KDM4C: variants seen among roughly 807,000 people sequenced by gnomAD.
The protein encoded by KDM4C is lysine-specific demethylase 4C.
Under a neutral mutation model 129.3 loss-of-function variants are expected in KDM4C, and 81 were observed. That is an observed-to-expected ratio of 0.63 (90% CI 0.52 to 0.75). The LOEUF is 0.75. Among genes scored for constraint, KDM4C ranks in the 30% least tolerant of loss-of-function variants. The pLI, the probability that KDM4C is intolerant of heterozygous loss-of-function variation, is 0.00. For synonymous variants in KDM4C, 573 were observed against 456.1 expected (o/e 1.26, Z -3.26); for missense variants, 1,457 against 1,304.0 (o/e 1.12, Z -1.81).
intron 17 of KDM4C, among the ~76,000 whole-genome samples, chr9:7,072,876 A>G (rs909162366): frequency 6.6e-6 from 1 of 152,232 alleles, no homozygotes; most frequent in Non-Finnish European, 1.5e-5. Context: ...ATCTTTTGAT[A>G]CATGTATACA....
At chr9:6,886,294 T>A (rs1417055923) in intron 6 of KDM4C, among the ~76,000 whole-genome samples, 1 of 152,074 alleles carries the variant, frequency 6.6e-6, no homozygotes, top group Non-Finnish European at 1.5e-5. Flanking sequence ...ACATTTCTCA[T>A]GTTTTATTGA....
At chr9:6,843,399 C>G (rs1298167271) in intron 4 of KDM4C, among the ~76,000 whole-genome samples, 1 of 152,210 alleles carries the variant, frequency 6.6e-6, no homozygotes, top group Admixed American at 6.5e-5. Flanking sequence ...TTTTGTAATC[C>G]TTTCTTTACA....
At chr9:6,804,391 T>G (rs1220036857) in intron 2 of KDM4C, among the ~76,000 whole-genome samples, 1 of 152,170 alleles carries the variant, frequency 6.6e-6, no homozygotes, top group Non-Finnish European at 1.5e-5. Flanking sequence ...TCCTCCACCT[T>G]TCTGGAAAGC....
At chr9:7,083,518 G>C (rs948534569) in intron 17 of KDM4C, among the ~76,000 whole-genome samples, 10 of 152,242 alleles carry the variant, frequency 6.6e-5, no homozygotes, top group Admixed American at 2.6e-4. Flanking sequence ...ATAGCCTATT[G>C]CTCCTAGCCT....
intron 3 of KDM4C, among the ~76,000 whole-genome samples, chr9:6,813,163 G>A (rs752565303): frequency 5.3e-5 from 8 of 152,002 alleles, no homozygotes; most frequent in Non-Finnish European, 8.8e-5. Context: ...CAACAAGAGT[G>A]AGACCGTCTC....
chr9:7,000,153 G>A (rs552477849), intron 12 of KDM4C, among the ~76,000 whole-genome samples: 66 of 152,116 alleles, frequency 4.3e-4, no homozygotes, highest in Non-Finnish European at 7.5e-4. Context: ...ATAATTTGGT[G>A]TTCTCAGTTT....
chr9:6,928,599 CT>C lies in KDM4C; in HGVS notation c.921+35379del, dbSNP rs34193960. On this transcript the variant is annotated intron_variant, in intron 8 of 21. Transcript: ENST00000381309. ...GACTATAGTATATCACCTATGTCCT[CT>C]TTTTTTTTTTTAATAATAATGGCAT... Among the ~76,000 whole-genome samples, 81 of 144,122 alleles carry C rather than the reference CT, an allele frequency of 5.6e-4. 1 individual carries two copies. The highest frequency in any genetic ancestry group is 5.2e-4 in the Non-Finnish European group (34 of 65,258). The allele number at this position is 144,122 out of a possible 152,430, so 94.5% of individuals were successfully genotyped here.
chr9:6,908,385 A>G (rs1818700617), intron 8 of KDM4C, among the ~76,000 whole-genome samples: 1 of 152,246 alleles, frequency 6.6e-6, no homozygotes. Context: ...CACACACAGT[A>G]CAAAAATGAA....
chr9:6,765,028 TG>T (rs1016205901), intron 1 of KDM4C, among the ~76,000 whole-genome samples: 1 of 152,154 alleles, frequency 6.6e-6, no homozygotes, highest in African/African-American at 2.4e-5. Flanking sequence ...AATAATATTG[TG>T]GGGATCAATC....
intron 4 of KDM4C, among the ~76,000 whole-genome samples, chr9:6,848,663 T>C (rs897056793): frequency 2.0e-5 from 3 of 151,020 alleles, no homozygotes; most frequent in Admixed American, 2.0e-4. Context: ...AGTGAGACTG[T>C]CTCAGGGGAA....
Position 6,981,007 on chromosome 9 carries a change from A to G in KDM4C, c.1004A>G (p.Lys335Arg), listed in dbSNP as rs765885652. Residue 335 changes from lysine to arginine, a missense_variant, in exon 9 of 22, where the codon AAA becomes AGA. Coordinates refer to ENST00000381309, the MANE Select transcript of KDM4C (RefSeq NM_015061.6). Reference protein sequence around the residue: ...KFQPDRYQLWKQGKDIYTIDH... With the variant: ...KFQPDRYQLWRQGKDIYTIDH... The stretch of plus-strand genomic sequence containing the variant: ...CAGCCAGACAGATATCAGCTTTGGA[A>G]ACAAGGAAAGGATATATACACCATT... The G allele has an allele frequency of 2.5e-6, 4 of 1,613,970 alleles. No homozygotes were observed. In the South Asian group the frequency reaches 4.4e-5, roughly 18 times the overall value.
At chr9:7,054,981 A>T (rs1830676152) in intron 17 of KDM4C, among the ~76,000 whole-genome samples, 1 of 152,186 alleles carries the variant, frequency 6.6e-6, no homozygotes, top group Admixed American at 6.5e-5. Context: ...CATTGAGACC[A>T]TCCTGGCCAA....
At chr9:7,033,757 C>T (rs1827175744) in intron 15 of KDM4C, among the ~76,000 whole-genome samples, 1 of 152,258 alleles carries the variant, frequency 6.6e-6, no homozygotes, top group African/African-American at 2.4e-5. Flanking sequence ...AGAACAAATG[C>T]CTCATTAATC....
intron 5 of KDM4C, among the ~76,000 whole-genome samples, chr9:6,866,910 T>C (rs1563725160): frequency 6.8e-6 from 1 of 147,088 alleles, no homozygotes; most frequent in South Asian, 2.1e-4. Context: ...TATACATATA[T>C]ATATATATAT....
chr9:6,760,198 T>C lies in KDM4C; in HGVS notation c.-18+1995T>C, dbSNP rs147633599. Among the ~76,000 whole-genome samples the C allele has an allele frequency of 2.0e-3, 309 of 151,918 alleles. 1 individual carries two copies. The highest frequency in any genetic ancestry group is 7.2e-3 in the African/African-American group (301 of 41,520). On this transcript the variant is annotated intron_variant, in intron 1 of 21. Coordinates refer to ENST00000381309, the MANE Select transcript of KDM4C (RefSeq NM_015061.6). ...TTCTGGACATTTTATATACATGGAA[T>C]AATACACTATCTGGTCTTCTGTGAG...
intron 8 of KDM4C, among the ~76,000 whole-genome samples, chr9:6,963,971 G>A (rs1191774808): frequency 1.3e-5 from 2 of 152,198 alleles, no homozygotes; most frequent in African/African-American, 4.8e-5. Flanking sequence ...AGCTTCATTT[G>A]CAAGCTGTTG....
intron 17 of KDM4C, among the ~76,000 whole-genome samples, chr9:7,056,308 C>A (rs942645606): frequency 1.3e-5 from 2 of 150,516 alleles, no homozygotes; most frequent in African/African-American, 4.9e-5. Context: ...TTTCAACATA[C>A]ATATGTCTCC....
At chr9:7,120,184 C>G (rs1391108527) in intron 18 of KDM4C, among the ~76,000 whole-genome samples, 1 of 151,118 alleles carries the variant, frequency 6.6e-6, no homozygotes, top group African/African-American at 2.4e-5. Context: ...TGGATTTTCT[C>G]AATGCTAACT....
chr9:7,073,826 C>G (rs925904301), intron 17 of KDM4C, among the ~76,000 whole-genome samples: 2 of 152,166 alleles, frequency 1.3e-5, no homozygotes, highest in Non-Finnish European at 2.9e-5. Flanking sequence ...TGTTGGAAAG[C>G]TTTGACAAAC....
Sources: allele counts gnomAD v4.1 joint callset (sites outside exome capture counted in the v4.1 genomes callset), GRCh38; gene constraint gnomAD v4.1.1; transcripts MANE v1.5; gene names NCBI Gene and HGNC (gene_info 2026-07-23, HGNC 2026-07-21).